TECRL: variants seen among roughly 807,000 people sequenced by gnomAD.
The protein encoded by TECRL is trans-2,3-enoyl-CoA reductase like, also known as trans-2,3-enoyl-CoA reductase-like.
Under a neutral mutation model 52.8 loss-of-function variants are expected in TECRL, and 63 were observed. The ratio of observed to expected loss-of-function variants is 1.19; its 90% CI spans 0.97 to 1.47. The LOEUF (loss-of-function observed/expected upper bound fraction) is 1.47, where lower values mean the gene tolerates loss of function less well. Ranked by LOEUF, TECRL falls within the 40% of genes most tolerant of loss-of-function variation. TECRL has a pLI of 0.00. For synonymous variants in TECRL, 164 were observed against 141.9 expected (o/e 1.16, Z -1.10); for missense variants, 482 against 429.6 (o/e 1.12, Z -1.08).
chr4:64,284,105 G>T (rs1722965828), intron 9 of TECRL, among the ~76,000 whole-genome samples: 1 of 152,008 alleles, frequency 6.6e-6, no homozygotes, highest in Non-Finnish European at 1.5e-5. Flanking sequence ...TGAAAAGAGG[G>T]GTAAAGTATA....
At chr4:64,276,740 T>A (rs1722588952), downstream of TECRL, 1 of 218,902 alleles carries the variant, frequency 4.6e-6, no homozygotes. Flanking sequence ...ATAGATTTGT[T>A]TTATATTAAA....
chr4:64,359,923 T>C (rs908181912), intron 2 of TECRL, among the ~76,000 whole-genome samples: 11 of 152,168 alleles, frequency 7.2e-5, no homozygotes, highest in African/African-American at 2.7e-4. Flanking sequence ...GTGTTACTTT[T>C]TATTGACGCA....
At chr4:64,348,877 C>A (rs1720178542) in intron 2 of TECRL, among the ~76,000 whole-genome samples, 1 of 152,138 alleles carries the variant, frequency 6.6e-6, no homozygotes, top group African/African-American at 2.4e-5. Flanking sequence ...GTCCACTGCG[C>A]AGGTAATGGC....
chr4:64,351,672 G>T (rs889290708), intron 2 of TECRL, among the ~76,000 whole-genome samples: 9 of 152,070 alleles, frequency 5.9e-5, no homozygotes, highest in Non-Finnish European at 1.3e-4. Context: ...CAAATTCTAT[G>T]CATGTAACAA....
intron 1 of TECRL, among the ~76,000 whole-genome samples, chr4:64,376,662 T>C (rs1228959418): frequency 6.6e-6 from 1 of 151,898 alleles, no homozygotes; most frequent in East Asian, 1.9e-4. Context: ...GAGTAACAAA[T>C]ATTTGTCCAT....
chr4:64,328,988 A>G (rs1489562883), intron 2 of TECRL, among the ~76,000 whole-genome samples: 5 of 151,990 alleles, frequency 3.3e-5, no homozygotes, highest in African/African-American at 9.7e-5. Flanking sequence ...CTCTATCAAG[A>G]GTAAATACTA....
intron 1 of TECRL, among the ~76,000 whole-genome samples, chr4:64,386,850 T>C (rs1318659890): frequency 6.6e-6 from 1 of 152,140 alleles, no homozygotes; most frequent in African/African-American, 2.4e-5. Context: ...TCTTTGCCTT[T>C]ACACATGCAT....
intron 8 of TECRL, chr4:64,299,102 A>G (rs1480618750): frequency 6.6e-6 from 1 of 151,186 alleles, no homozygotes; most frequent in African/African-American, 2.4e-5. Context: ...ATATGCTGAA[A>G]AGACAAAAAA....
chr4:64,354,510 G>A (rs766812539), intron 2 of TECRL, among the ~76,000 whole-genome samples: 1 of 149,774 alleles, frequency 6.7e-6, no homozygotes, highest in African/African-American at 2.5e-5. Context: ...AATAGGAGAA[G>A]TAGATAATCT....
intron 2 of TECRL, among the ~76,000 whole-genome samples, chr4:64,331,663 A>G (rs1198277381): frequency 6.6e-6 from 1 of 152,142 alleles, no homozygotes; most frequent in African/African-American, 2.4e-5. Flanking sequence ...GCAAAAACCT[A>G]CAGGATTTTT....
intron 2 of TECRL, among the ~76,000 whole-genome samples, chr4:64,355,694 T>C (rs71611650): frequency 0.66 from 98,976 of 149,404 alleles, 34,139 homozygotes; most frequent in Non-Finnish European, 0.76. Context: ...CCCAGCTACT[T>C]GGGAGGCTGA....
chr4:64,407,589 G>C (rs566669701), intron 1 of TECRL, among the ~76,000 whole-genome samples: 1 of 151,742 alleles, frequency 6.6e-6, no homozygotes, highest in Admixed American at 6.6e-5. Flanking sequence ...CTATACACCT[G>C]TCAGAAAGGA....
chr4:64,406,543 T>C (rs1398073990), intron 1 of TECRL, among the ~76,000 whole-genome samples: 1 of 151,972 alleles, frequency 6.6e-6, no homozygotes, highest in Admixed American at 6.6e-5. Flanking sequence ...AAAATAATAA[T>C]AATAATTTTG....
At chr4:64,309,277 C>T (rs1436842373) in intron 6 of TECRL, among the ~76,000 whole-genome samples, 1 of 152,044 alleles carries the variant, frequency 6.6e-6, no homozygotes, top group East Asian at 1.9e-4. Context: ...AATTGAAAAA[C>T]AAAATTTAGC....
intron 4 of TECRL, among the ~76,000 whole-genome samples, chr4:64,318,128 A>G (rs967433333): frequency 6.6e-6 from 1 of 152,204 alleles, no homozygotes; most frequent in African/African-American, 2.4e-5. Context: ...AGTCTCAGCT[A>G]TCATTAAAAT....
At chr4:64,401,495 A>G (rs2109781517) in intron 1 of TECRL, among the ~76,000 whole-genome samples, 1 of 152,272 alleles carries the variant, frequency 6.6e-6, no homozygotes, top group Non-Finnish European at 1.5e-5. Flanking sequence ...TCATACTCAT[A>G]ACTAAATTTC....
At chr4:64,408,192 A>T (rs1724853793) in intron 1 of TECRL, among the ~76,000 whole-genome samples, 2 of 151,894 alleles carry the variant, frequency 1.3e-5, no homozygotes, top group Admixed American at 1.3e-4. Context: ...GAAAGGACTA[A>T]ACAGCTTCTT....
At chr4:64,388,986 T>A (rs570508747) in intron 1 of TECRL, among the ~76,000 whole-genome samples, 1 of 152,040 alleles carries the variant, frequency 6.6e-6, no homozygotes, top group South Asian at 2.1e-4. Context: ...CCAGGGGTTC[T>A]TTCTGTTTTC....
At chr4:64,319,046 T>C (rs760022635) in intron 4 of TECRL, among the ~76,000 whole-genome samples, 51 of 151,860 alleles carry the variant, frequency 3.4e-4, no homozygotes, top group Non-Finnish European at 6.2e-4. Flanking sequence ...TATGAAATAT[T>C]TTTACCTTAG....
Sources: gnomAD v4.1 joint callset for allele counts (sites outside exome capture counted in the v4.1 genomes callset) on GRCh38, gnomAD v4.1.1 for gene constraint, MANE v1.5 for transcripts, NCBI Gene and HGNC (gene_info 2026-07-23, HGNC 2026-07-21) for gene names.